Variants in ZNF723 observed in about 807,000 individuals in gnomAD.
ZNF723 encodes the protein zinc finger protein 723, pseudogene.
Under a neutral mutation model 9.4 loss-of-function variants are expected in ZNF723, and 5 were observed. The ratio of observed to expected loss-of-function variants is 0.53; its 90% confidence interval spans 0.28 to 1.12. The LOEUF is 1.12. Among genes scored for constraint, ZNF723 ranks in the 50% most tolerant of loss-of-function variants. The probability of loss-of-function intolerance (pLI) is 0.10; values close to 1 mark genes in which losing one functional copy is unlikely to be tolerated. For synonymous variants in ZNF723, 158 were observed against 168.8 expected, an observed-to-expected ratio of 0.94 and a Z score of 0.49; for missense variants, 450 against 501.5, an observed-to-expected ratio of 0.90 and a Z score of 0.98.
intron 1 of ZNF723, among the ~76,000 whole-genome samples, chr19:22,843,734 A>G (rs1391082422): frequency 2.0e-5 from 3 of 152,164 alleles, no homozygotes; most frequent in Admixed American, 2.0e-4. Context: ...TATGAACAGA[A>G]GAGTTGTTAT....
chr19:22,857,015 A>C (rs1967488286), intron 3 of ZNF723, 103 bp from the exon 4 acceptor site: 1 of 521,684 alleles, frequency 1.9e-6, no homozygotes, highest in African/African-American at 2.0e-5. Flanking sequence ...GTATTTTGCT[A>C]TGCCATCTTA....
At chr19:22,813,420 G>C in the ZNF723 span, among the ~76,000 whole-genome samples, 49 of 152,198 alleles carry the variant, frequency 3.2e-4, no homozygotes, top group Admixed American at 2.0e-3. Context: ...AGGGTTGGAG[G>C]GGGGAGGATT....
intron 1 of ZNF723, among the ~76,000 whole-genome samples, chr19:22,845,715 G>A (rs1368684404): frequency 7.2e-6 from 1 of 138,706 alleles, no homozygotes; most frequent in Non-Finnish European, 1.6e-5. Context: ...GGACAGAAAT[G>A]GATGGACTTT....
the ZNF723 span, among the ~76,000 whole-genome samples, chr19:22,819,658 A>G: frequency 2.0e-5 from 3 of 152,240 alleles, no homozygotes; most frequent in Admixed American, 6.5e-5. Flanking sequence ...TCCTGACCAC[A>G]GAAAGCATTG....
chr19:22,832,292 T>G lies in ZNF723; in HGVS notation c.-88T>G. On this transcript the variant is annotated 5_prime_UTR_variant, in exon 1 of 4. Coordinates refer to ENST00000600766, the MANE Select transcript of ZNF723 (RefSeq NM_001349726.2). ...GCGGCTTCCGGGATTTGGCGCGGCC[T>G]TTTGAGTTCCTGGTCTCTGTGGCCT... The G allele has an allele frequency of 1.6e-6, 2 of 1,254,682 alleles. No homozygotes were observed. Among genetic ancestry groups the G allele is most frequent in the Non-Finnish European group, 2.2e-6 (2 of 893,684 alleles). The allele number at this position is 1,254,682 out of a possible 1,614,324, so 77.7% of individuals were successfully genotyped here.
At chr19:22,851,319 G>A (rs1404123905) in intron 3 of ZNF723, among the ~76,000 whole-genome samples, 2 of 151,806 alleles carry the variant, frequency 1.3e-5, no homozygotes, top group Admixed American at 6.6e-5. Flanking sequence ...TTACAGGCAC[G>A]AGCAACCACA....
the ZNF723 span, among the ~76,000 whole-genome samples, chr19:22,819,156 T>C: frequency 6.6e-6 from 1 of 152,230 alleles, no homozygotes; most frequent in African/African-American, 2.4e-5. Context: ...TCAAAAGTCA[T>C]TGTGATGTAT....
chr19:22,841,653 A>C (rs1194866343), intron 1 of ZNF723, among the ~76,000 whole-genome samples: 1 of 152,188 alleles, frequency 6.6e-6, no homozygotes, highest in South Asian at 2.1e-4. Context: ...ACAGGGTAGC[A>C]ATCAACCATT....
intron 1 of ZNF723, among the ~76,000 whole-genome samples, chr19:22,842,431 A>C (rs558600064): frequency 6.6e-6 from 1 of 152,328 alleles, no homozygotes; most frequent in South Asian, 2.1e-4. Flanking sequence ...ATATCCAATC[A>C]ATAATCAATG....
chr19:22,827,515 T>C (rs1226660105), upstream of ZNF723, among the ~76,000 whole-genome samples: 1 of 152,070 alleles, frequency 6.6e-6, no homozygotes, highest in East Asian at 1.9e-4. Context: ...TGGCATGATC[T>C]TGGCTTACCA....
At chr19:22,820,659 C>A in the ZNF723 span, among the ~76,000 whole-genome samples, 1 of 152,160 alleles carries the variant, frequency 6.6e-6, no homozygotes, top group Non-Finnish European at 1.5e-5. Context: ...CCTGGGTCTC[C>A]TGTTTGCATA....
chr19:22,851,733 T>G (rs961702736), intron 3 of ZNF723, among the ~76,000 whole-genome samples: 8 of 150,576 alleles, frequency 5.3e-5, no homozygotes, highest in African/African-American at 1.9e-4. Flanking sequence ...TTTGGGAAAG[T>G]CTTTATTTTT....
At chr19:22,851,361 G>A (rs1180072410) in intron 3 of ZNF723, among the ~76,000 whole-genome samples, 1 of 151,894 alleles carries the variant, frequency 6.6e-6, no homozygotes, top group Non-Finnish European at 1.5e-5. Context: ...TAGTAGAGAC[G>A]GGGTTTCAGC....
chr19:22,824,110 A>T, the ZNF723 span, among the ~76,000 whole-genome samples: 1 of 152,140 alleles, frequency 6.6e-6, no homozygotes, highest in Non-Finnish European at 1.5e-5. Flanking sequence ...AAATTTTGTG[A>T]CTCACTTCTT....
intron 1 of ZNF723, among the ~76,000 whole-genome samples, chr19:22,835,132 C>G (rs889276787): frequency 1.3e-5 from 2 of 149,682 alleles, no homozygotes; most frequent in African/African-American, 5.0e-5. Context: ...CCTCTGCCTT[C>G]CGGGTTCAAG....
At chr19:22,821,319 G>T in the ZNF723 span, among the ~76,000 whole-genome samples, 1 of 152,068 alleles carries the variant, frequency 6.6e-6, no homozygotes, top group African/African-American at 2.4e-5. Context: ...CACATGCCTG[G>T]TGCAAGCATC....
the ZNF723 span, among the ~76,000 whole-genome samples, chr19:22,822,393 C>T: frequency 7.2e-5 from 11 of 152,200 alleles, no homozygotes; most frequent in Non-Finnish European, 2.9e-5. Context: ...GTTGCATTAC[C>T]TGGACCTAGC....
At chr19:22,855,172 G>T (rs1967458046) in intron 3 of ZNF723, among the ~76,000 whole-genome samples, 1 of 151,082 alleles carries the variant, frequency 6.6e-6, no homozygotes, top group Non-Finnish European at 1.5e-5. Context: ...TCATTTTTAT[G>T]TAAGTATGTA....
chr19:22,834,688 C>T (rs1967143635), intron 1 of ZNF723, among the ~76,000 whole-genome samples: 1 of 152,122 alleles, frequency 6.6e-6, no homozygotes, highest in African/African-American at 2.4e-5. Context: ...CTTTGAAAAG[C>T]TGACATTTAG....
Sources: allele counts gnomAD v4.1 joint callset (sites outside exome capture counted in the v4.1 genomes callset), GRCh38; gene constraint gnomAD v4.1.1; transcripts MANE v1.5; gene names NCBI Gene and HGNC (gene_info 2026-07-23, HGNC 2026-07-21).